The following DHRS7 variants were observed in gnomAD, a reference collection of about 807,000 sequenced individuals.
DHRS7 encodes the protein dehydrogenase/reductase 7, also known as dehydrogenase/reductase SDR family member 7.
A neutral mutation model predicts 38.9 loss-of-function variants in DHRS7; 34 were observed. The ratio of observed to expected loss-of-function variants is 0.87; its 90% CI spans 0.66 to 1.16. DHRS7 has a LOEUF of 1.16. Ranked by LOEUF, DHRS7 falls within the 50% of genes most tolerant of loss-of-function variation. The probability of loss-of-function intolerance (pLI) is 0.00; values close to 1 mark genes in which losing one functional copy is unlikely to be tolerated. For synonymous variants in DHRS7, 158 were observed against 153.1 expected (o/e 1.03, Z -0.24); for missense variants, 421 against 407.0 (o/e 1.03, Z -0.30).
intron 1 of DHRS7, among the ~76,000 whole-genome samples, chr14:60,160,993 T>G (rs1280100927): frequency 1.3e-5 from 2 of 152,214 alleles, no homozygotes; most frequent in African/African-American, 2.4e-5. Context: ...GCAAAATTCC[T>G]TAAGAATGTA....
At chr14:60,165,458 G>A (rs973001519), upstream of DHRS7, 4 of 1,361,672 alleles carry the variant, frequency 2.9e-6, no homozygotes, top group Non-Finnish European at 3.8e-6. This position sits in a 1 kb window ranked among gnomAD's most constrained non-coding sequence, Gnocchi z 4.6. Context: ...GAGGAGGAGC[G>A]GCTCGGGCGC....
Position 60,145,573 on chromosome 14 carries a change from C to A in DHRS7, c.973-560G>T, listed in dbSNP as rs1896383838. ...CCTGTAATCCCAGCTACCCGGGAGGCTGAGGCAAGAGAATTGCTTGAATCC... is the reference window on the plus strand; with the variant it reads ...CCTGTAATCCCAGCTACCCGGGAGGATGAGGCAAGAGAATTGCTTGAATCC... On this transcript the variant is annotated intron_variant, in intron 6 of 6. Transcript: ENST00000557185. This position sits in a 1 kb window ranked among gnomAD's most constrained non-coding sequence, Gnocchi z 4.0. 6.6e-6 allele frequency: 1 copy of A among 152,132 alleles called. No homozygotes were observed. The highest frequency in any genetic ancestry group is 1.5e-5 in the Non-Finnish European group (1 of 68,108). The allele number at this position is 152,132 out of a possible 1,614,324, so 9.4% of individuals were successfully genotyped here. A position where few individuals can be genotyped will look rare whatever the true frequency, so the allele number is the denominator to read the frequency against.
upstream of DHRS7, among the ~76,000 whole-genome samples, chr14:60,167,673 A>G (rs1451862819): frequency 4.6e-5 from 7 of 152,268 alleles, no homozygotes; most frequent in Non-Finnish European, 1.0e-4. Flanking sequence ...GGCGGGGGAA[A>G]AAAAGAGTGA....
At position 60,145,351 on chromosome 14, in the gene DHRS7, A is replaced by G. The variant is rs542076085; in HGVS notation, c.973-338T>C. The G allele has an allele frequency of 5.9e-6, 1 of 170,888 alleles. No homozygotes were observed. Among genetic ancestry groups the G allele is most frequent in the South Asian group, 1.9e-4 (1 of 5,136 alleles). The allele number at this position is 170,888 out of a possible 1,614,324, so 10.6% of individuals were successfully genotyped here. A position where few individuals can be genotyped will look rare whatever the true frequency, so the allele number is the denominator to read the frequency against. ...ATAAATAAAAACAATGAGTCAGATT[A>G]TGTAGAATTGAGATATATGGAAGAT... On this transcript the variant is annotated intron_variant, in intron 6 of 6. Transcript: ENST00000557185. The surrounding 1 kb of genome is among the most constrained non-coding windows in gnomAD (Gnocchi z 4.0).
At position 60,165,098 on chromosome 14, in the gene DHRS7, G is replaced by T; in HGVS notation, c.133+79C>A. The T allele has an allele frequency of 6.4e-7, 1 of 1,556,862 alleles. No homozygotes were observed. The highest frequency in any genetic ancestry group is 8.7e-7 in the Non-Finnish European group (1 of 1,146,336). ...CCACAAAGGACCCGGGATCACTGCA[G>T]AACCCCCGGAGACCCGGACACGCCT... On this transcript the variant is annotated intron_variant, in intron 1 of 6. Transcript: ENST00000557185. The surrounding 1 kb of genome is among the most constrained non-coding windows in gnomAD (Gnocchi z 4.6).
In DHRS7 at chr14:60,155,896, G is replaced by A. The variant is rs368602862; in HGVS notation, c.286+104C>T. 9.7e-5 allele frequency: 115 copies of A among 1,188,492 alleles called. No individual in the cohort carries two copies. In the South Asian group the frequency reaches 2.6e-3, roughly 27 times the overall value. 73.6% of individuals were successfully genotyped at this position (1,188,492 alleles called of 1,614,324 possible). The stretch of plus-strand genomic sequence containing the variant: ...TGAGATGAAGCATGTAGAACATTTG[G>A]AGCCGGGGGGAAATCTCACTCCTCT... On this transcript the variant is annotated intron_variant, in intron 2 of 6. Transcript: ENST00000557185.
chr14:60,164,102 A>G (rs1896817298), intron 1 of DHRS7, among the ~76,000 whole-genome samples: 2 of 152,142 alleles, frequency 1.3e-5, no homozygotes, highest in African/African-American at 2.4e-5. Context: ...CCCAACCAGA[A>G]AAATGAAATA....
chr14:60,151,940 T>C (rs2140595366), intron 4 of DHRS7, among the ~76,000 whole-genome samples: 1 of 152,352 alleles, frequency 6.6e-6, no homozygotes, highest in South Asian at 2.1e-4. Flanking sequence ...CCCTCCCTCA[T>C]CTGCCTGCCT....
At chr14:60,157,006 T>C (rs1201543302) in intron 1 of DHRS7, among the ~76,000 whole-genome samples, 1 of 152,246 alleles carries the variant, frequency 6.6e-6, no homozygotes, top group Non-Finnish European at 1.5e-5. Flanking sequence ...GTCACTGTTA[T>C]GCAAAGTTCC....
rs1226506308 is a variant in DHRS7, at chr14:60,145,470, G to C, written c.973-457C>G. 6.6e-6 allele frequency: 1 copy of C among 152,426 alleles called. No homozygotes were observed. The highest frequency in any genetic ancestry group is 1.5e-5 in the Non-Finnish European group (1 of 68,280). The allele number at this position is 152,426 out of a possible 1,614,324, so 9.4% of individuals were successfully genotyped here. A position where few individuals can be genotyped will look rare whatever the true frequency, so the allele number is the denominator to read the frequency against. On this transcript the variant is annotated intron_variant, in intron 6 of 6. Coordinates refer to ENST00000557185, the MANE Select transcript of DHRS7 (RefSeq NM_016029.4). This position sits in a 1 kb window ranked among gnomAD's most constrained non-coding sequence, Gnocchi z 4.0. ...GGCCGAGGTGGGCAGATCACCTGAG[G>C]TCAGGAGTTAGAGACCAGCCTGGCA...
intron 1 of DHRS7, among the ~76,000 whole-genome samples, chr14:60,156,961 G>A (rs925420532): frequency 6.6e-6 from 1 of 152,176 alleles, no homozygotes; most frequent in Non-Finnish European, 1.5e-5. Context: ...TAGCACTTCA[G>A]GAGATGATAT....
chr14:60,149,321 A>G (rs763752104), intron 6 of DHRS7, 32 bp downstream of exon 6: 2 of 1,596,478 alleles, frequency 1.3e-6, no homozygotes, highest in Admixed American at 1.7e-5. Context: ...AGATTGGTAC[A>G]TACTATTAAG....
At position 60,156,892 on chromosome 14, in the gene DHRS7, A is replaced by G. The variant is rs1197201041; in HGVS notation, c.134-740T>C. Among the ~76,000 whole-genome samples the G allele has an allele frequency of 2.6e-5, 4 of 152,344 alleles. No homozygotes were observed. The East Asian group carries it at 7.7e-4, about 29-fold the overall frequency. On this transcript the variant is annotated intron_variant, in intron 1 of 6. Transcript: ENST00000557185. ...TTATGTTCCTCTTAAAAGACTACAA[A>G]TGTTACAGTACTAAAGCAATGACAA...
chr14:60,155,531 T>G (rs777355941), intron 2 of DHRS7, among the ~76,000 whole-genome samples: 67 of 152,214 alleles, frequency 4.4e-4, no homozygotes, highest in Admixed American at 9.2e-4. Context: ...TATGAAAGTA[T>G]TACCTCAAGT....
At position 60,146,969 on chromosome 14, in the gene DHRS7, A is replaced by C. The variant is rs1896421782; in HGVS notation, c.973-1956T>G. 1 of 152,254 alleles carries C rather than the reference A, an allele frequency of 6.6e-6. No homozygotes were observed. Among genetic ancestry groups the C allele is most frequent in the Admixed American group, 6.5e-5 (1 of 15,286 alleles). 9.4% of individuals were successfully genotyped at this position (152,254 alleles called of 1,614,324 possible). On this transcript the variant is annotated intron_variant, in intron 6 of 6. Transcript: ENST00000557185. The surrounding 1 kb of genome is among the most constrained non-coding windows in gnomAD (Gnocchi z 4.9). Reference sequence around the variant, plus strand: ...ACATTTTGGCCAGGCACAGTGGCTCACACCTATGATCCCAACACTTTGGGA... The same window carrying C: ...ACATTTTGGCCAGGCACAGTGGCTCCCACCTATGATCCCAACACTTTGGGA...
rs533739457 is a variant in DHRS7, at chr14:60,155,987, C to T, written c.286+13G>A. 4.0e-5 allele frequency: 61 copies of T among 1,526,388 alleles called. No homozygotes were observed. The highest frequency in any genetic ancestry group is 3.5e-4 in the Middle Eastern group (2 of 5,708). 94.6% of individuals were successfully genotyped at this position (1,526,388 alleles called of 1,614,324 possible). A position where few individuals can be genotyped will look rare whatever the true frequency, so the allele number is the denominator to read the frequency against. ...TTTCTAGGAAGCACCGCTGCTATTT[C>T]AGATCCGCTTACCTAGGCATCTTCT... On this transcript the variant is annotated intron_variant, in intron 2 of 6. Transcript: ENST00000557185.
chr14:60,155,679 C>A (rs997579484), intron 2 of DHRS7, among the ~76,000 whole-genome samples: 18 of 152,090 alleles, frequency 1.2e-4, no homozygotes, highest in African/African-American at 4.1e-4. Flanking sequence ...ACATGTATGT[C>A]ATGGATAAGA....
chr14:60,149,378 C>G lies in DHRS7; in HGVS notation c.947G>C (p.Arg316Thr), dbSNP rs760173791. ...CACACCACTCTTAAAGTTCTCAATC[C>G]TTTTCTTCCCCATCTTGTTGGTTAT... ...WWITNKMGKK[R>T]IENFKSGVDA... is the part of the protein sequence containing the mutation. Residue 316 changes from arginine to threonine, a missense_variant, in exon 6 of 7, where the codon AGG becomes ACG. Transcript: ENST00000557185. 6.2e-7 allele frequency: 1 copy of G among 1,614,148 alleles called. No individual in the cohort carries two copies. The highest frequency in any genetic ancestry group is 8.5e-7 in the Non-Finnish European group (1 of 1,180,012).
intron 1 of DHRS7, among the ~76,000 whole-genome samples, chr14:60,160,048 A>G (rs1304580652): frequency 6.6e-6 from 1 of 152,238 alleles, no homozygotes; most frequent in Non-Finnish European, 1.5e-5. Context: ...CTTTTTGGCC[A>G]GGTACAGTGG....
Sources: allele counts gnomAD v4.1 joint callset (sites outside exome capture counted in the v4.1 genomes callset), GRCh38; gene constraint gnomAD v4.1.1; non-coding constraint Gnocchi (gnomAD v3.1); transcripts MANE v1.5; gene names NCBI Gene and HGNC (gene_info 2026-07-23, HGNC 2026-07-21).